TRIM8: variants seen among roughly 807,000 people sequenced by gnomAD.
The protein encoded by TRIM8 is E3 ubiquitin-protein ligase TRIM8.
A neutral mutation model predicts 55.7 loss-of-function variants in TRIM8; 9 were observed. That is an observed-to-expected ratio of 0.16 (90% CI 0.10 to 0.28). The LOEUF (loss-of-function observed/expected upper bound fraction) is 0.28, where lower values mean the gene tolerates loss of function less well. TRIM8 is among the 10% of genes least tolerant of loss of function. The pLI, the probability that TRIM8 is intolerant of heterozygous loss-of-function variation, is 1.00. For synonymous variants in TRIM8, 335 were observed against 333.3 expected, an observed-to-expected ratio of 1.01 and a Z score of -0.06; for missense variants, 556 against 736.4, an observed-to-expected ratio of 0.76 and a Z score of 2.83.
intron 1 of TRIM8, chr10:102,645,907 T>G (rs1355782535): frequency 6.6e-6 from 1 of 152,246 alleles, no homozygotes; most frequent in Non-Finnish European, 1.5e-5. Context: ...TCCTGGCCCT[T>G]TCGCCTAGCA....
chr10:102,652,918 C>G (rs1260494673), intron 1 of TRIM8, among the ~76,000 whole-genome samples: 1 of 151,944 alleles, frequency 6.6e-6, no homozygotes, highest in Non-Finnish European at 1.5e-5. Context: ...ATTCTCCTGC[C>G]TCAGCCTCCT....
In TRIM8 at chr10:102,644,629, T is replaced by C; in HGVS notation, c.12T>C (p.Asn4=). The part of the protein sequence containing the change: MAE[N]WKNCFEEELI... ...TGCCCGCGGCCGCCATGGCGGAGAA[T>C]TGGAAGAACTGCTTCGAGGAGGAGC... Residue 4 remains asparagine, a synonymous_variant, in exon 1 of 6, where the codon AAT becomes AAC. Coordinates refer to ENST00000643721, the MANE Select transcript of TRIM8 (RefSeq NM_030912.3). The C allele has an allele frequency of 1.9e-6, 3 of 1,612,256 alleles. No homozygotes were observed. The highest frequency in any genetic ancestry group is 2.5e-6 in the Non-Finnish European group (3 of 1,179,640).
At chr10:102,650,069 G>A (rs1178893979) in intron 1 of TRIM8, among the ~76,000 whole-genome samples, 7 of 152,130 alleles carry the variant, frequency 4.6e-5, no homozygotes, top group African/African-American at 1.4e-4. Flanking sequence ...CCATGGTCTT[G>A]TCTGAAAACC....
intron 2 of TRIM8, 97 bp from the exon 3 acceptor site, chr10:102,654,983 G>T: frequency 7.1e-7 from 1 of 1,405,414 alleles, no homozygotes; most frequent in Non-Finnish European, 9.8e-7. Context: ...GCAGCCTGGT[G>T]ACTTAGGGTT....
chr10:102,650,596 G>A (rs2063976602), intron 1 of TRIM8, among the ~76,000 whole-genome samples: 1 of 152,332 alleles, frequency 6.6e-6, no homozygotes, highest in South Asian at 2.1e-4. Context: ...GCATGCTCCA[G>A]TGTACGCAGT....
Position 102,656,307 on chromosome 10 carries a change from A to G in TRIM8, c.970A>G (p.Lys324Glu). The stretch of plus-strand genomic sequence containing the variant: ...CACGAGCAGCAGCCTTTCCCCCACT[A>G]AGATCGGCCACCTGAACTCCAAGCT... ...TCTSSSLSPTKIGHLNSKLFL... is the reference protein window; with the variant it reads ...TCTSSSLSPTEIGHLNSKLFL... The change falls in exon 5 of 6, where the codon AAG (lysine) becomes GAG (glutamate). Residue 324 changes from lysine to glutamate, a missense_variant. Lys to Glu is a moderately conservative substitution (Grantham distance 56). Transcript: ENST00000643721. This position sits in a 1 kb window ranked among gnomAD's most constrained non-coding sequence, Gnocchi z 4.6. 2 of 1,614,168 alleles carry G rather than the reference A, an allele frequency of 1.2e-6. No individual in the cohort carries two copies. Among genetic ancestry groups the G allele is most frequent in the Non-Finnish European group, 1.7e-6 (2 of 1,180,016 alleles).
In TRIM8 at chr10:102,656,895, G is replaced by C; in HGVS notation, c.1197G>C (p.Gln399His). The C allele has an allele frequency of 6.3e-7, 1 of 1,593,018 alleles. No homozygotes were observed. The highest frequency in any genetic ancestry group is 8.6e-7 in the Non-Finnish European group (1 of 1,169,106). ...LETSSGPVGG[Q>H]YGAAGTASGE... ...CGTCGTCGGGCCCTGTGGGCGGCCA[G>C]TACGGGGCGGCGGGCACAGCCAGCG... The change falls in exon 6 of 6, where the codon CAG (glutamine) becomes CAC (histidine). Residue 399 changes from glutamine to histidine, a missense_variant. By Grantham distance (24) the Gln-to-His change is conservative. Around this residue, in one of 2 missense-constraint regions of TRIM8, gnomAD observed 391 missense variants for 441.0 expected, o/e 0.89. Transcript: ENST00000643721. The surrounding 1 kb of genome is among the most constrained non-coding windows in gnomAD (Gnocchi z 4.6).
Position 102,657,537 on chromosome 10 carries a change from T to G in TRIM8, c.*183T>G. On this transcript the variant is annotated 3_prime_UTR_variant, in exon 6 of 6. Coordinates refer to ENST00000643721, the MANE Select transcript of TRIM8 (RefSeq NM_030912.3). ...CTTTGTTTTTGATTTTTTTTTATTA[T>G]GAATCTCCTGGACGCAGAGGTGACA... is the stretch of plus-strand genomic sequence containing the variant. 1 of 769,330 alleles carries G rather than the reference T, an allele frequency of 1.3e-6. No homozygotes were observed. Among genetic ancestry groups the G allele is most frequent in the Non-Finnish European group, 2.0e-6 (1 of 509,568 alleles). The allele number at this position is 769,330 out of a possible 1,614,324, so 47.7% of individuals were successfully genotyped here. A position where few individuals can be genotyped will look rare whatever the true frequency, so the allele number is the denominator to read the frequency against.
In TRIM8 at chr10:102,657,019, T is replaced by A; in HGVS notation, c.1321T>A (p.Phe441Ile). Residue 441 changes from phenylalanine (F) to isoleucine (I), a missense_variant, in exon 6 of 6, where the codon TTC becomes ATC. Transcript: ENST00000643721. ...CCAACCAGTGCACTCAAGCCCCGTG[T>A]TCCCCCCATCGCAGTATCCCAATGG... ...GAQPVHSSPV[F>I]PPSQYPNGSA... 1 of 1,612,814 alleles carries A rather than the reference T, an allele frequency of 6.2e-7. No individual in the cohort carries two copies. The highest frequency in any genetic ancestry group is 8.5e-7 in the Non-Finnish European group (1 of 1,179,896).
Position 102,656,404 on chromosome 10 carries a change from G to C in TRIM8, c.1048+19G>C. On this transcript the variant is annotated intron_variant, in intron 5 of 5. Coordinates refer to ENST00000643721, the MANE Select transcript of TRIM8 (RefSeq NM_030912.3). The surrounding 1 kb of genome is among the most constrained non-coding windows in gnomAD (Gnocchi z 4.6). Reference sequence around the variant, plus strand: ...CTAGAAGGTGAGGGTGGGGTGTTCCGCCGAAGGGAGACAGGGACCTTTGGG... The same window carrying C: ...CTAGAAGGTGAGGGTGGGGTGTTCCCCCGAAGGGAGACAGGGACCTTTGGG... The C allele has an allele frequency of 1.3e-6, 2 of 1,599,740 alleles. No individual in the cohort carries two copies. The highest frequency in any genetic ancestry group is 1.7e-6 in the Non-Finnish European group (2 of 1,172,238).
Position 102,656,152 on chromosome 10 carries a change from C to T in TRIM8, c.932+15C>T, listed in dbSNP as rs754982386. ...CTGATGGACAGGTAAGCTGAGGGCC[C>T]TAGCCCTCCCGGGGGCACATCCTGG... On this transcript the variant is annotated intron_variant, in intron 4 of 5. Coordinates refer to ENST00000643721, the MANE Select transcript of TRIM8 (RefSeq NM_030912.3). This position sits in a 1 kb window ranked among gnomAD's most constrained non-coding sequence, Gnocchi z 4.6. 1.9e-6 allele frequency: 3 copies of T among 1,614,018 alleles called. No individual in the cohort carries two copies. In the Admixed American group the frequency reaches 5.0e-5, roughly 27 times the overall value.
At chr10:102,645,520 C>T in intron 1 of TRIM8, 1 of 229,558 alleles carries the variant, frequency 4.4e-6, no homozygotes, top group East Asian at 9.7e-5. Context: ...GTAGGCCCTA[C>T]GGGAAGTCAC....
At chr10:102,652,044 G>A (rs1365380059) in intron 1 of TRIM8, among the ~76,000 whole-genome samples, 1 of 152,216 alleles carries the variant, frequency 6.6e-6, no homozygotes. Context: ...TGGGCTGGCA[G>A]CAGATTCCTG....
rs1382701807 is a variant in TRIM8, at chr10:102,657,187, G to T, written c.1489G>T (p.Val497Leu). Residue 497 changes from valine to leucine, a missense_variant, in exon 6 of 6, where the codon GTG becomes TTG. By Grantham distance (32) the Val-to-Leu change is conservative (BLOSUM62 1). This residue lies in a region of TRIM8 where 391 missense variants were observed against 441.0 expected (regional missense o/e 0.89). Transcript: ENST00000643721. ...YPRSGHFPWT[V>L]PSQEYSHPLP... Reference sequence around the variant, plus strand: ...CCGCTCCGGCCACTTTCCCTGGACAGTGCCCTCGCAGGAGTACTCACACCC... The same window carrying T: ...CCGCTCCGGCCACTTTCCCTGGACATTGCCCTCGCAGGAGTACTCACACCC... 1 of 1,613,852 alleles carries T rather than the reference G, an allele frequency of 6.2e-7. No homozygotes were observed. Among genetic ancestry groups the T allele is most frequent in the Non-Finnish European group, 8.5e-7 (1 of 1,179,954 alleles).
Position 102,645,207 on chromosome 10 carries a change from GCGCGC to G in TRIM8, c.570+21_570+25del. On this transcript the variant is annotated intron_variant, in intron 1 of 5. Transcript: ENST00000643721. ...ATCCGGGCAAGTACCCTACGCGCGC[GCGCGC>G]ACACACACACACACAGACACACAGT... 6.6e-7 allele frequency: 1 copy of G among 1,518,224 alleles called. No individual in the cohort carries two copies. The highest frequency in any genetic ancestry group is 8.8e-7 in the Non-Finnish European group (1 of 1,140,056). 94.0% of individuals were successfully genotyped at this position (1,518,224 alleles called of 1,614,324 possible). A position where few individuals can be genotyped will look rare whatever the true frequency, so the allele number is the denominator to read the frequency against.
rs564415859 is a variant in TRIM8 at position 102,650,561 on chromosome 10, C to T, written c.571-4092C>T. Among the ~76,000 whole-genome samples the T allele has an allele frequency of 3.5e-4, 54 of 152,318 alleles. 1 individual carries two copies. The South Asian group carries it at 0.011, about 30-fold the overall frequency. On this transcript the variant is annotated intron_variant, in intron 1 of 5. Coordinates refer to ENST00000643721, the MANE Select transcript of TRIM8 (RefSeq NM_030912.3). ...GGGCCTCCAGAGCTTCTAGCCCAGG[C>T]CACGTTCCACTCTGCTCTGCTCCTG...
Position 102,656,496 on chromosome 10 carries a change from A to G in TRIM8, c.1048+111A>G. On this transcript the variant is annotated intron_variant, in intron 5 of 5. Coordinates refer to ENST00000643721, the MANE Select transcript of TRIM8 (RefSeq NM_030912.3). This position sits in a 1 kb window ranked among gnomAD's most constrained non-coding sequence, Gnocchi z 4.6. Reference sequence around the variant, plus strand: ...GGCCCAGTCTGGGAGACCTGTCCTCATATCCAGGCTTTGCCACTTGTAGCT... The same window carrying G: ...GGCCCAGTCTGGGAGACCTGTCCTCGTATCCAGGCTTTGCCACTTGTAGCT... The G allele has an allele frequency of 1.4e-6, 2 of 1,472,628 alleles. No individual in the cohort carries two copies. Among genetic ancestry groups the G allele is most frequent in the African/African-American group, 1.4e-5 (1 of 71,016 alleles). The allele number at this position is 1,472,628 out of a possible 1,614,324, so 91.2% of individuals were successfully genotyped here.
In TRIM8 at chr10:102,657,379, G is replaced by A; in HGVS notation, c.*25G>A. ...ACGCCACGCAGGCGGCGGGGCGCTGGGGAATCTTCCTCCCCAGCCCCCGGG... is the reference window on the plus strand; with the variant it reads ...ACGCCACGCAGGCGGCGGGGCGCTGAGGAATCTTCCTCCCCAGCCCCCGGG... On this transcript the variant is annotated 3_prime_UTR_variant, in exon 6 of 6. Coordinates refer to ENST00000643721, the MANE Select transcript of TRIM8 (RefSeq NM_030912.3). 1 of 1,530,618 alleles carries A rather than the reference G, an allele frequency of 6.5e-7. No homozygotes were observed. Among genetic ancestry groups the A allele is most frequent in the Non-Finnish European group, 8.8e-7 (1 of 1,136,884 alleles). 94.8% of individuals were successfully genotyped at this position (1,530,618 alleles called of 1,614,324 possible).
At chr10:102,647,888 A>G (rs1250936140) in intron 1 of TRIM8, among the ~76,000 whole-genome samples, 2 of 152,160 alleles carry the variant, frequency 1.3e-5, no homozygotes, top group Non-Finnish European at 2.9e-5. Flanking sequence ...CAGCATCCAC[A>G]GGTGCACATG....
Sources: allele counts gnomAD v4.1 joint callset (sites outside exome capture counted in the v4.1 genomes callset), GRCh38; gene constraint gnomAD v4.1.1; regional missense constraint gnomAD v4.1.1; non-coding constraint Gnocchi (gnomAD v3.1); transcripts MANE v1.5; gene names NCBI Gene and HGNC (gene_info 2026-07-23, HGNC 2026-07-21).